The following ABCA13 variants were observed in gnomAD, a reference collection of about 807,000 sequenced individuals.
ABCA13 encodes ATP-binding cassette sub-family A member 13.
Under a neutral mutation model 478.7 loss-of-function variants are expected in ABCA13, and 476 were observed. That is an observed-to-expected ratio of 0.99 (90% CI 0.92 to 1.07). ABCA13 has a LOEUF of 1.07. ABCA13 is among the 50% of genes least tolerant of loss of function. ABCA13 has a pLI of 0.00. For synonymous variants in ABCA13, 2,252 were observed against 2,158.9 expected (o/e 1.04, Z -1.20); for missense variants, 6,060 against 5,910.6 (o/e 1.03, Z -0.83).
At chr7:48,283,571 T>C (rs1359033558) in intron 19 of ABCA13, among the ~76,000 whole-genome samples, 1 of 152,140 alleles carries the variant, frequency 6.6e-6, no homozygotes, top group East Asian at 1.9e-4. Flanking sequence ...TCAATATGTG[T>C]AGAAGGATTG....
intron 1 of ABCA13, among the ~76,000 whole-genome samples, chr7:48,191,319 C>T (rs1797075654): frequency 6.6e-6 from 1 of 152,220 alleles, no homozygotes; most frequent in African/African-American, 2.4e-5. Flanking sequence ...GGTTTCAGGA[C>T]TGTGTCAGAG....
chr7:48,495,192 A>C (rs2130754385), intron 48 of ABCA13, among the ~76,000 whole-genome samples: 1 of 152,298 alleles, frequency 6.6e-6, no homozygotes, highest in Non-Finnish European at 1.5e-5. Context: ...ATAAAGAAAA[A>C]AGTTTTTACA....
chr7:48,284,516 G>A (rs1797463671), intron 19 of ABCA13, among the ~76,000 whole-genome samples: 1 of 152,070 alleles, frequency 6.6e-6, no homozygotes, highest in South Asian at 2.1e-4. Flanking sequence ...CTTCTTCCTC[G>A]TTCTTGAATG....
intron 4 of ABCA13, 50 bp from the exon 5 acceptor site, chr7:48,221,231 C>T: frequency 1.0e-6 from 1 of 977,710 alleles, no homozygotes; most frequent in Non-Finnish European, 1.6e-6. Context: ...TTAGCATGTG[C>T]TTTTTCATTG....
At chr7:48,423,227 G>T (rs1348531436) in intron 41 of ABCA13, among the ~76,000 whole-genome samples, 1 of 152,212 alleles carries the variant, frequency 6.6e-6, no homozygotes, top group Admixed American at 6.5e-5. Flanking sequence ...AGTTGTCCAT[G>T]TGTTTTCATC....
At chr7:48,253,033 C>A (rs538294151) in intron 15 of ABCA13, among the ~76,000 whole-genome samples, 1 of 152,168 alleles carries the variant, frequency 6.6e-6, no homozygotes, top group Non-Finnish European at 1.5e-5. Flanking sequence ...ATTCCCTAAG[C>A]CTAAGTGTGT....
chr7:48,298,489 T>C lies in ABCA13; in HGVS notation c.9321+2T>C. On this transcript the variant is annotated splice_donor_variant, in intron 23 of 61. Coordinates refer to ENST00000435803, the MANE Select transcript of ABCA13 (RefSeq NM_152701.5). LOFTEE classifies it high-confidence loss of function. ...GAAGCAAATATTTCCCACTCCAAGG[T>C]GTGGTGCTGTTTCTTGTCTGTCTGT... 1 of 1,611,062 alleles carries C rather than the reference T, an allele frequency of 6.2e-7. No homozygotes were observed. Among genetic ancestry groups the C allele is most frequent in the South Asian group, 1.1e-5 (1 of 90,116 alleles).
intron 56 of ABCA13, among the ~76,000 whole-genome samples, chr7:48,581,585 T>C (rs1378804355): frequency 6.6e-6 from 1 of 152,256 alleles, no homozygotes; most frequent in Non-Finnish European, 1.5e-5. Flanking sequence ...GCTGGCACTT[T>C]TGTTTTTCGA....
chr7:48,357,650 C>T (rs74546969), intron 31 of ABCA13, among the ~76,000 whole-genome samples: 13,209 of 151,946 alleles, frequency 0.087, 786 homozygotes, highest in African/African-American at 0.15. Context: ...AATCATCTCA[C>T]TTATTCTCTA....
intron 44 of ABCA13, among the ~76,000 whole-genome samples, chr7:48,468,114 C>T (rs549870271): frequency 6.6e-6 from 1 of 150,800 alleles, no homozygotes; most frequent in African/African-American, 2.4e-5. Context: ...AAAGAAGAAC[C>T]AGTTAGAAAA....
intron 58 of ABCA13, among the ~76,000 whole-genome samples, chr7:48,607,120 G>C (rs867044332): frequency 6.6e-6 from 1 of 152,184 alleles, no homozygotes; most frequent in Non-Finnish European, 1.5e-5. Flanking sequence ...TTTCAAGCCC[G>C]TGGATCTTAG....
chr7:48,584,064 TTGCATTCTCAGG>T (rs1182105733), intron 56 of ABCA13, among the ~76,000 whole-genome samples: 1 of 152,244 alleles, frequency 6.6e-6, no homozygotes, highest in East Asian at 1.9e-4. Flanking sequence ...AAAATGTAAC[TTGCATTCTCAGG>T]TGCATTTCTC....
At chr7:48,597,287 T>C (rs934495248) in intron 58 of ABCA13, among the ~76,000 whole-genome samples, 1 of 152,220 alleles carries the variant, frequency 6.6e-6, no homozygotes, top group Non-Finnish European at 1.5e-5. Context: ...TTGCGTTTTA[T>C]GTCAATAGGT....
chr7:48,251,076 T>C (rs1018276885), intron 15 of ABCA13, among the ~76,000 whole-genome samples: 1 of 152,224 alleles, frequency 6.6e-6, no homozygotes, highest in Non-Finnish European at 1.5e-5. Flanking sequence ...TATGGTAAGA[T>C]GGGCCTTTGC....
chr7:48,559,352 G>A (rs534475385), intron 55 of ABCA13, among the ~76,000 whole-genome samples: 37 of 152,082 alleles, frequency 2.4e-4, no homozygotes, highest in Non-Finnish European at 4.7e-4. Flanking sequence ...CAACGCTGAT[G>A]TCCCTTTAAA....
rs1051197335 is a variant in ABCA13, at chr7:48,204,007, C to T, written c.287+5647C>T. Among the ~76,000 whole-genome samples the T allele has an allele frequency of 2.0e-5, 3 of 152,224 alleles. No individual in the cohort carries two copies. The East Asian group carries it at 5.8e-4, about 29-fold the overall frequency. The stretch of plus-strand genomic sequence containing the variant: ...CCTGAGAATCATCTGACCCTCTCTG[C>T]CTCTTTTCCAACCACCATACTGCCT... On this transcript the variant is annotated intron_variant, in intron 3 of 61. Coordinates refer to ENST00000435803, the MANE Select transcript of ABCA13 (RefSeq NM_152701.5).
At chr7:48,206,821 G>C (rs1784994611) in intron 3 of ABCA13, among the ~76,000 whole-genome samples, 1 of 151,764 alleles carries the variant, frequency 6.6e-6, no homozygotes, top group Non-Finnish European at 1.5e-5. Flanking sequence ...GAACATTCCA[G>C]TTTCACTCTT....
At chr7:48,316,275 A>G (rs890530302) in intron 26 of ABCA13, among the ~76,000 whole-genome samples, 2 of 152,208 alleles carry the variant, frequency 1.3e-5, no homozygotes, top group African/African-American at 4.8e-5. Context: ...GGGCTCATTA[A>G]AGACAGTTCA....
At chr7:48,588,407 T>G (rs1789407720) in intron 57 of ABCA13, among the ~76,000 whole-genome samples, 2 of 152,284 alleles carry the variant, frequency 1.3e-5, no homozygotes, top group South Asian at 4.1e-4. Context: ...TTACAATGCA[T>G]CTCCTTAGTT....
Sources: gnomAD v4.1 joint callset for allele counts (sites outside exome capture counted in the v4.1 genomes callset) on GRCh38, gnomAD v4.1.1 for gene constraint, MANE v1.5 for transcripts, NCBI Gene and HGNC (gene_info 2026-07-23, HGNC 2026-07-21) for gene names.